Variants in FOXP1 observed in about 807,000 individuals in gnomAD.
FOXP1 encodes forkhead box protein P1.
FOXP1 carries 15 observed loss-of-function variants against 98.2 expected under a neutral mutation model. That is an observed-to-expected ratio of 0.15 (90% CI 0.10 to 0.24). The LOEUF is 0.24. Ranked by LOEUF, FOXP1 falls within the 10% of genes least tolerant of loss-of-function variation. FOXP1 has a pLI of 1.00. For synonymous variants in FOXP1, 371 were observed against 314.5 expected (o/e 1.18, Z -1.90); for missense variants, 633 against 848.5 (o/e 0.75, Z 3.15).
chr3:71,390,834 T>TAGTCA (rs1218745334), intron 3 of FOXP1, among the ~76,000 whole-genome samples: 11 of 152,350 alleles, frequency 7.2e-5, no homozygotes, highest in Non-Finnish European at 1.0e-4. Flanking sequence ...CAGTGCCGTG[T>TAGTCA]AGTCAGGAAG....
intron 5 of FOXP1, among the ~76,000 whole-genome samples, chr3:71,217,476 T>C (rs2065030681): frequency 6.6e-6 from 1 of 151,552 alleles, no homozygotes; most frequent in East Asian, 1.9e-4. Flanking sequence ...TGATTTGTGA[T>C]TTTTTTTGCT....
At chr3:71,477,915 G>C (rs1383342393) in intron 3 of FOXP1, among the ~76,000 whole-genome samples, 1 of 152,100 alleles carries the variant, frequency 6.6e-6, no homozygotes, top group Non-Finnish European at 1.5e-5. Context: ...GAAACATTTG[G>C]CTGCAAATCG....
intron 3 of FOXP1, among the ~76,000 whole-genome samples, chr3:71,406,417 A>G (rs2082348926): frequency 1.4e-5 from 2 of 142,060 alleles, no homozygotes; most frequent in Non-Finnish European, 1.6e-5. Context: ...ATATATATAT[A>G]TATATATGGT....
At chr3:71,087,566 G>A (rs1243081258) in intron 7 of FOXP1, among the ~76,000 whole-genome samples, 3 of 152,226 alleles carry the variant, frequency 2.0e-5, no homozygotes, top group Non-Finnish European at 2.9e-5. Flanking sequence ...AAAGGCTTAA[G>A]AGTGTCTTTC....
At chr3:71,475,026 G>C (rs1434374667) in intron 3 of FOXP1, among the ~76,000 whole-genome samples, 1 of 152,016 alleles carries the variant, frequency 6.6e-6, no homozygotes, top group African/African-American at 2.4e-5. Context: ...CGCTGTGTCA[G>C]GCAAGCTCAA....
chr3:71,443,227 T>C (rs1672070166), intron 3 of FOXP1, among the ~76,000 whole-genome samples: 1 of 151,612 alleles, frequency 6.6e-6, no homozygotes, highest in Admixed American at 6.5e-5. Flanking sequence ...ACAATAATTG[T>C]ATGTATTCAT....
In FOXP1 at chr3:70,959,265, T is replaced by G; in HGVS notation, c.2016A>C (p.Val672=). The part of the protein sequence containing the change: ...DHDRDYEDEP[V]NEDME ...CCGATAGTCACTCCATGTCCTCGTT[T>G]ACTGGTTCATCTTCGTAATCTCTGT... The change falls in exon 21 of 21, where the codon GTA becomes GTC. Residue 672 remains valine (V), a synonymous_variant. Transcript: ENST00000649528. 3.1e-6 allele frequency: 5 copies of G among 1,614,120 alleles called. No homozygotes were observed. Among genetic ancestry groups the G allele is most frequent in the Non-Finnish European group, 4.2e-6 (5 of 1,180,016 alleles).
intron 20 of FOXP1, among the ~76,000 whole-genome samples, chr3:70,964,539 C>T (rs933030306): frequency 1.3e-5 from 2 of 152,156 alleles, no homozygotes; most frequent in Non-Finnish European, 2.9e-5. Flanking sequence ...TACCAATTTA[C>T]GTTTGCTCTG....
Position 70,959,268 on chromosome 3 carries a change from T to A in FOXP1, c.2013A>T (p.Pro671=). Residue 671 remains proline, a synonymous_variant, in exon 21 of 21, where the codon CCA becomes CCT. Transcript: ENST00000649528. The part of the protein sequence containing the change: ...FDHDRDYEDE[P]VNEDME ...ATAGTCACTCCATGTCCTCGTTTAC[T>A]GGTTCATCTTCGTAATCTCTGTCAT... 6.2e-7 allele frequency: 1 copy of A among 1,614,072 alleles called. No individual in the cohort carries two copies. Among genetic ancestry groups the A allele is most frequent in the Non-Finnish European group, 8.5e-7 (1 of 1,180,016 alleles).
chr3:71,316,311 G>A (rs993373778), intron 4 of FOXP1, among the ~76,000 whole-genome samples: 4 of 152,128 alleles, frequency 2.6e-5, no homozygotes, highest in Admixed American at 6.5e-5. Flanking sequence ...CCTCCTCCAC[G>A]GCATGGTGAG....
chr3:71,428,145 G>A (rs1341919659), intron 3 of FOXP1, among the ~76,000 whole-genome samples: 1 of 152,118 alleles, frequency 6.6e-6, no homozygotes, highest in Non-Finnish European at 1.5e-5. Flanking sequence ...CCCGTAGGAG[G>A]GTGAGACTGT....
chr3:71,406,405 G>GTATGTATATATATATATATA (rs2082336447), intron 3 of FOXP1, among the ~76,000 whole-genome samples: 6 of 105,942 alleles, frequency 5.7e-5, no homozygotes, highest in Non-Finnish European at 8.9e-5. Flanking sequence ...AACTGTATGT[G>GTATGTATATATATATATATA]TATATATATA....
intron 4 of FOXP1, among the ~76,000 whole-genome samples, chr3:71,346,448 G>T (rs1389834721): frequency 1.3e-5 from 2 of 152,188 alleles, no homozygotes; most frequent in East Asian, 1.9e-4. Context: ...CACAGAAGAG[G>T]TGGTTGTTTT....
chr3:71,012,766 T>C (rs1229081676), intron 12 of FOXP1, among the ~76,000 whole-genome samples: 1 of 152,100 alleles, frequency 6.6e-6, no homozygotes, highest in Non-Finnish European at 1.5e-5. Context: ...ATAAATCAGC[T>C]CACCTCTGTT....
At chr3:71,217,426 T>A (rs1279643515) in intron 5 of FOXP1, among the ~76,000 whole-genome samples, 4 of 152,216 alleles carry the variant, frequency 2.6e-5, no homozygotes, top group African/African-American at 9.7e-5. Flanking sequence ...GTTCTACTTC[T>A]TGTTCAGAAG....
At chr3:71,245,636 T>A (rs1390986098) in intron 5 of FOXP1, among the ~76,000 whole-genome samples, 3 of 124,948 alleles carry the variant, frequency 2.4e-5, no homozygotes, top group African/African-American at 9.4e-5. Context: ...ATAAATCAGA[T>A]TTTTAAAGAA....
intron 6 of FOXP1, among the ~76,000 whole-genome samples, chr3:71,174,308 T>G (rs1472991573): frequency 2.0e-5 from 3 of 152,152 alleles, no homozygotes; most frequent in East Asian, 3.9e-4. Flanking sequence ...TGCAGCGGCA[T>G]GCACCTGTAG....
chr3:71,133,816 C>T (rs1196766938), intron 6 of FOXP1, among the ~76,000 whole-genome samples: 1 of 73,764 alleles, frequency 1.4e-5, no homozygotes, highest in Non-Finnish European at 3.7e-5. Flanking sequence ...AAAGTCTACC[C>T]CGAATATGTG....
intron 4 of FOXP1, among the ~76,000 whole-genome samples, chr3:71,331,283 C>T (rs977559453): frequency 6.6e-6 from 1 of 152,200 alleles, no homozygotes; most frequent in Non-Finnish European, 1.5e-5. Flanking sequence ...GGGCCAGCAG[C>T]TGCTGTGCTC....
Sources: allele counts gnomAD v4.1 joint callset (sites outside exome capture counted in the v4.1 genomes callset), GRCh38; gene constraint gnomAD v4.1.1; transcripts MANE v1.5; gene names NCBI Gene and HGNC (gene_info 2026-07-23, HGNC 2026-07-21).